PIGP: variants seen among roughly 807,000 people sequenced by gnomAD.
PIGP encodes phosphatidylinositol N-acetylglucosaminyltransferase subunit P.
In PIGP, 12 loss-of-function variants were observed where a neutral mutation model predicts 16.9. The observed-to-expected ratio is 0.71, with a 90% CI of 0.46 to 1.15. The LOEUF is 1.15. Among genes scored for constraint, PIGP ranks in the 50% most tolerant of loss-of-function variants. PIGP has a pLI of 0.00. For synonymous variants in PIGP, 57 were observed against 54.7 expected (o/e 1.04, Z -0.18); for missense variants, 159 against 153.5 (o/e 1.04, Z -0.19).
chr21:37,065,667 G>T lies in PIGP; in HGVS notation c.320C>A (p.Ala107Asp), dbSNP rs201332995. ...AGAAATATCTCTTAAGGCTGGAATG[G>T]CCTCCTCTTGGTATTTCTTCTGCTG... ...NQQQKKYQEEAIPALRDISIS... is the reference protein window; with the variant it reads ...NQQQKKYQEEDIPALRDISIS... Residue 107 changes from alanine to aspartate, a missense_variant, in exon 5 of 5, where the codon GCC (alanine) becomes GAC (aspartate). Physicochemically the swap from Ala to Asp is moderately radical, Grantham distance 126. Transcript: ENST00000360525. The T allele has an allele frequency of 6.2e-7, 1 of 1,613,114 alleles. No homozygotes were observed. The highest frequency in any genetic ancestry group is 8.5e-7 in the Non-Finnish European group (1 of 1,179,464).
chr21:37,067,616 T>G (rs2069929260), intron 3 of PIGP, among the ~76,000 whole-genome samples: 1 of 152,200 alleles, frequency 6.6e-6, no homozygotes, highest in Non-Finnish European at 1.5e-5. Context: ...TGAGCTGTCT[T>G]CTGGTACTTA....
Position 37,065,401 on chromosome 21 carries a change from T to C in PIGP, c.*181A>G. 1 of 515,570 alleles carries C rather than the reference T, an allele frequency of 1.9e-6. No homozygotes were observed. Among genetic ancestry groups the C allele is most frequent in the Non-Finnish European group, 3.3e-6 (1 of 302,008 alleles). 31.9% of individuals were successfully genotyped at this position (515,570 alleles called of 1,614,324 possible). A position where few individuals can be genotyped will look rare whatever the true frequency, so the allele number is the denominator to read the frequency against. ...TGGGAATGCAATATTGTATTTATTC[T>C]ATTCATTAACAATACTTGAACATTT... On this transcript the variant is annotated 3_prime_UTR_variant, in exon 5 of 5. Coordinates refer to ENST00000360525, the MANE Select transcript of PIGP (RefSeq NM_153682.3).
At chr21:37,068,784 A>G (rs1349397788) in intron 3 of PIGP, among the ~76,000 whole-genome samples, 1 of 152,206 alleles carries the variant, frequency 6.6e-6, no homozygotes, top group Non-Finnish European at 1.5e-5. Flanking sequence ...AGAACTATCT[A>G]TCTTTTTCTG....
intron 3 of PIGP, 137 bp from the exon 4 acceptor site, chr21:37,067,517 C>T (rs1177356917): frequency 3.5e-6 from 2 of 568,248 alleles, no homozygotes; most frequent in East Asian, 3.1e-5. Flanking sequence ...CAAATAGTTC[C>T]ACAAGGCTTA....
At chr21:37,072,236 T>C (rs1432571110) in intron 2 of PIGP, 198 bp downstream of exon 2, 3 of 1,611,960 alleles carry the variant, frequency 1.9e-6, no homozygotes, top group Middle Eastern at 1.7e-4. Context: ...GTATAAATAT[T>C]TGTAGAGACT....
chr21:37,067,221 C>G (rs1365902848), intron 4 of PIGP, 41 bp downstream of exon 4: 6 of 1,167,578 alleles, frequency 5.1e-6, no homozygotes, highest in Non-Finnish European at 7.7e-6. Context: ...TAATACTCCA[C>G]TCTTTCATTG....
intron 2 of PIGP, chr21:37,072,158 C>T (rs780417804): frequency 1.5e-5 from 19 of 1,239,514 alleles, no homozygotes; most frequent in Non-Finnish European, 2.1e-5. Context: ...TCTGTCTCCT[C>T]CACAAGACCA....
chr21:37,072,867 G>A (rs1197425624), intron 1 of PIGP, 133 bp downstream of exon 1: 2 of 425,216 alleles, frequency 4.7e-6, no homozygotes, highest in Non-Finnish European at 8.4e-6. Flanking sequence ...GGCCTACTAG[G>A]TCGCGGCGCC....
intron 3 of PIGP, among the ~76,000 whole-genome samples, chr21:37,068,114 C>T (rs889956003): frequency 6.6e-6 from 1 of 151,680 alleles, no homozygotes; most frequent in African/African-American, 2.4e-5. Flanking sequence ...TCACTTCAGC[C>T]CTGCAAGTAG....
intron 3 of PIGP, among the ~76,000 whole-genome samples, chr21:37,068,144 C>T (rs2069938396): frequency 6.6e-6 from 1 of 151,612 alleles, no homozygotes; most frequent in African/African-American, 2.4e-5. Flanking sequence ...TAGGCACACA[C>T]CACCACACCT....
Position 37,067,386 on chromosome 21 carries a change from A to G in PIGP, c.156-6T>C, listed in dbSNP as rs11702061. 0.13 allele frequency: 195,720 copies of G among 1,462,538 alleles called. 14,409 individuals carry two copies. Among genetic ancestry groups the G allele is most frequent in the African/African-American group, 0.19 (13,996 of 71,946 alleles). The allele number at this position is 1,462,538 out of a possible 1,614,324, so 90.6% of individuals were successfully genotyped here. A position where few individuals can be genotyped will look rare whatever the true frequency, so the allele number is the denominator to read the frequency against. ...GTAATGCAACTGCCCAATATCTGCC[A>G]AAGAGAATATTAAAGTACATAATAG... On this transcript the variant is annotated splice_polypyrimidine_tract_variant and splice_region_variant and intron_variant, in intron 3 of 4. Transcript: ENST00000360525.
intron 1 of PIGP, 99 bp from the exon 2 acceptor site, chr21:37,072,636 G>C: frequency 6.3e-7 from 1 of 1,592,650 alleles, no homozygotes; most frequent in Non-Finnish European, 8.6e-7. Context: ...CCCCCGCCGC[G>C]CAGAACCGCC....
chr21:37,070,516 A>C (rs568023610), intron 2 of PIGP, among the ~76,000 whole-genome samples: 1 of 152,340 alleles, frequency 6.6e-6, no homozygotes, highest in East Asian at 1.9e-4. Flanking sequence ...ATAGAAGCAC[A>C]TTAGAAGGCC....
chr21:37,069,689 A>G (rs976456432), intron 2 of PIGP, 65 bp from the exon 3 acceptor site: 57 of 1,050,040 alleles, frequency 5.4e-5, no homozygotes, highest in Non-Finnish European at 7.4e-5. Context: ...TAATCTATCA[A>G]TCTATTAAGA....
In PIGP at chr21:37,067,340, T is replaced by C. The variant is rs73901833; in HGVS notation, c.196A>G (p.Ile66Val). ...AACAAGAGCACGTAGCCAATTACTATAGCAATAAGGAGGTAGACAGGTAAT... is the reference window on the plus strand; with the variant it reads ...AACAAGAGCACGTAGCCAATTACTACAGCAATAAGGAGGTAGACAGGTAAT... Reference protein sequence around the residue: ...VALPVYLLIAIVIGYVLLFGI... With the variant: ...VALPVYLLIAVVIGYVLLFGI... Residue 66 changes from isoleucine to valine, a missense_variant, in exon 4 of 5, where the codon ATA becomes GTA. By Grantham distance (29) the Ile-to-Val change is conservative (BLOSUM62 3). Coordinates refer to ENST00000360525, the MANE Select transcript of PIGP (RefSeq NM_153682.3). The C allele has an allele frequency of 1.2e-3, 1,996 of 1,610,974 alleles. 23 individuals are homozygous for C. The African/African-American group carries it at 0.023, about 19-fold the overall frequency.
Position 37,069,580 on chromosome 21 carries a change from A to G in PIGP, c.127T>C (p.Ser43Pro). 6.4e-7 allele frequency: 1 copy of G among 1,568,176 alleles called. No homozygotes were observed. The highest frequency in any genetic ancestry group is 8.7e-7 in the Non-Finnish European group (1 of 1,153,286). Residue 43 changes from serine to proline, a missense_variant, in exon 3 of 5, where the codon TCT (serine) becomes CCT (proline). Coordinates refer to ENST00000360525, the MANE Select transcript of PIGP (RefSeq NM_153682.3). ...TGAGGCCAATAGGTTAAACCTAAAG[A>G]GTTTAGCCAAGATTCAGGAATAAAG... ...WAFIPESWLN[S>P]LGLTYWPQKY... is the part of the protein sequence containing the mutation.
In PIGP at chr21:37,069,521, T is replaced by G. The variant is rs766194889; in HGVS notation, c.155+31A>C. The G allele has an allele frequency of 2.3e-6, 3 of 1,300,358 alleles. No homozygotes were observed. In the South Asian group the frequency reaches 4.1e-5, roughly 18 times the overall value. The allele number at this position is 1,300,358 out of a possible 1,614,324, so 80.6% of individuals were successfully genotyped here. ...TGACTCCTCAAAACAGCATTAATTATATCCTCATTTAAGAAATATATTAAA... is the reference window on the plus strand; with the variant it reads ...TGACTCCTCAAAACAGCATTAATTAGATCCTCATTTAAGAAATATATTAAA... On this transcript the variant is annotated intron_variant, in intron 3 of 4. Transcript: ENST00000360525.
chr21:37,069,209 A>C (rs1368791781), intron 3 of PIGP: 1 of 161,176 alleles, frequency 6.2e-6, no homozygotes, highest in Non-Finnish European at 1.3e-5. Flanking sequence ...AAAGGCAGTT[A>C]CCTCTCACCT....
intron 4 of PIGP, among the ~76,000 whole-genome samples, chr21:37,066,971 CGTGTGTGTGTGT>C (rs56940945): frequency 0.027 from 3,865 of 143,718 alleles, 65 homozygotes; most frequent in African/African-American, 0.043. Context: ...TTTTACTGTC[CGTGTGTGTGTGT>C]GTGTGTGTGT....
Sources: allele counts gnomAD v4.1 joint callset (sites outside exome capture counted in the v4.1 genomes callset), GRCh38; gene constraint gnomAD v4.1.1; transcripts MANE v1.5; gene names NCBI Gene and HGNC (gene_info 2026-07-23, HGNC 2026-07-21).